NCOA6: variants seen among roughly 807,000 people sequenced by gnomAD.
NCOA6 encodes NRC RAP250.
NCOA6 carries 49 observed loss-of-function variants against 171.4 expected under a neutral mutation model. The ratio of observed to expected loss-of-function variants is 0.29; its 90% confidence interval spans 0.23 to 0.36. The LOEUF is 0.36. Ranked by LOEUF, NCOA6 falls within the 10% of genes least tolerant of loss-of-function variation. The pLI is 1.00. For missense variants in NCOA6, 2,248 were observed against 2,554.5 expected (o/e 0.88, Z 2.59); for synonymous variants, 910 against 927.5 (o/e 0.98, Z 0.34).
At chr20:34,758,215 A>G in intron 6 of NCOA6, 111 bp from the exon 7 acceptor site, 1 of 1,360,724 alleles carries the variant, frequency 7.3e-7, no homozygotes, top group South Asian at 1.5e-5. Context: ...GTACTATTCG[A>G]TAAAATAAAT....
At chr20:34,768,439 C>T (rs112945428) in intron 5 of NCOA6, 25 bp downstream of exon 5, 2 of 1,611,744 alleles carry the variant, frequency 1.2e-6, no homozygotes, top group African/African-American at 1.3e-5. Flanking sequence ...AGTAAAATGT[C>T]ATACAATTGA....
At chr20:34,777,432 T>C (rs1034124229) in intron 3 of NCOA6, among the ~76,000 whole-genome samples, 1 of 151,890 alleles carries the variant, frequency 6.6e-6, no homozygotes, top group African/African-American at 2.4e-5. Context: ...CTGGCCAACA[T>C]GGCAAAACCC....
At position 34,754,788 on chromosome 20, in the gene NCOA6, T is replaced by G. The variant is rs1330816371; in HGVS notation, c.1609A>C (p.Thr537Pro). The G allele has an allele frequency of 6.2e-7, 1 of 1,614,068 alleles. No individual in the cohort carries two copies. The highest frequency in any genetic ancestry group is 2.2e-5 in the East Asian group (1 of 44,898). ...NFMQGQVPST[T>P]ATTPGNSGAP... Reference sequence around the variant, plus strand: ...CCTGAATTCCCAGGGGTGGTTGCTGTGGTCGAAGGCACCTGACCTTGCATA... The same window carrying G: ...CCTGAATTCCCAGGGGTGGTTGCTGGGGTCGAAGGCACCTGACCTTGCATA... The change falls in exon 8 of 15, where the codon ACA becomes CCA. Residue 537 changes from threonine to proline, a missense_variant. By Grantham distance (38) the Thr-to-Pro change is conservative. Transcript: ENST00000359003.
At chr20:34,791,830 G>A (rs2077896777) in intron 2 of NCOA6, among the ~76,000 whole-genome samples, 1 of 152,144 alleles carries the variant, frequency 6.6e-6, no homozygotes, top group Non-Finnish European at 1.5e-5. Context: ...GAAGGAGAGA[G>A]GGCAGGGAGA....
intron 3 of NCOA6, among the ~76,000 whole-genome samples, 176 bp downstream of exon 3, chr20:34,781,945 T>A (rs748667025): frequency 6.6e-6 from 1 of 152,194 alleles, no homozygotes; most frequent in African/African-American, 2.4e-5. Flanking sequence ...TTCTTCTATG[T>A]ACTTAAAAAG....
intron 1 of NCOA6, among the ~76,000 whole-genome samples, chr20:34,800,129 CTT>C (rs1451533422): frequency 6.6e-6 from 1 of 152,014 alleles, no homozygotes; most frequent in Non-Finnish European, 1.5e-5. Context: ...TTAGTTTTCT[CTT>C]TGTTTATGCA....
chr20:34,815,637 T>A lies in NCOA6; in HGVS notation c.-164+9835A>T, dbSNP rs539002898. Reference sequence around the variant, plus strand: ...TGAAGTGTGACATGACTATTAACACTGAAATATCCATGGGGAGGCTTTTGA... The same window carrying A: ...TGAAGTGTGACATGACTATTAACACAGAAATATCCATGGGGAGGCTTTTGA... On this transcript the variant is annotated intron_variant, in intron 1 of 14. Coordinates refer to ENST00000359003, the MANE Select transcript of NCOA6 (RefSeq NM_014071.5). 6.6e-5 allele frequency among the ~76,000 whole-genome samples: 10 copies of A among 152,248 alleles called. No individual in the cohort carries two copies. In the South Asian group the frequency reaches 2.1e-3, roughly 32 times the overall value.
At chr20:34,760,015 T>C (rs2076768302) in intron 5 of NCOA6, among the ~76,000 whole-genome samples, 1 of 152,168 alleles carries the variant, frequency 6.6e-6, no homozygotes, top group Non-Finnish European at 1.5e-5. Flanking sequence ...TGGTAGCTCA[T>C]GCCTGTAATC....
chr20:34,771,994 C>T (rs191899387), intron 4 of NCOA6, among the ~76,000 whole-genome samples: 110 of 152,266 alleles, frequency 7.2e-4, no homozygotes, highest in Middle Eastern at 6.8e-3. Context: ...TCTGTTGTTC[C>T]AGCATAATTA....
At chr20:34,817,875 C>T (rs1286072548) in intron 1 of NCOA6, among the ~76,000 whole-genome samples, 1 of 152,150 alleles carries the variant, frequency 6.6e-6, no homozygotes, top group Non-Finnish European at 1.5e-5. Context: ...CAGCTTTCAT[C>T]ACATCACTGG....
intron 4 of NCOA6, 141 bp from the exon 5 acceptor site, chr20:34,768,727 A>G: frequency 1.1e-6 from 1 of 892,912 alleles, no homozygotes; most frequent in South Asian, 1.7e-5. Context: ...GGTGGGTTCA[A>G]TGTAGATGGG....
intron 1 of NCOA6, among the ~76,000 whole-genome samples, chr20:34,803,477 G>GA (rs140810484): frequency 0.012 from 1,525 of 127,486 alleles, 14 homozygotes; most frequent in Middle Eastern, 0.035. Flanking sequence ...AAAAAAAAAA[G>GA]AAAAAAAAAA....
At chr20:34,823,970 C>T (rs1228890100) in intron 1 of NCOA6, among the ~76,000 whole-genome samples, 1 of 152,184 alleles carries the variant, frequency 6.6e-6, no homozygotes, top group Non-Finnish European at 1.5e-5. Flanking sequence ...AGGCGTGAGC[C>T]ACTGTGGCTG....
At chr20:34,813,556 G>C (rs1351563981) in intron 1 of NCOA6, among the ~76,000 whole-genome samples, 1 of 152,012 alleles carries the variant, frequency 6.6e-6, no homozygotes, top group Admixed American at 6.6e-5. Context: ...GTTTTGTTAG[G>C]TGTTAATAAT....
At chr20:34,789,839 T>C (rs538289498) in intron 2 of NCOA6, among the ~76,000 whole-genome samples, 2 of 152,180 alleles carry the variant, frequency 1.3e-5, no homozygotes, top group Non-Finnish European at 2.9e-5. Flanking sequence ...CAAAGTGTTA[T>C]AGTCACACAC....
chr20:34,744,083 A>G (rs1432494798), intron 10 of NCOA6, among the ~76,000 whole-genome samples: 1 of 152,240 alleles, frequency 6.6e-6, no homozygotes, highest in Admixed American at 6.5e-5. Context: ...AAATAAAATT[A>G]GGGCATTGAA....
intron 4 of NCOA6, among the ~76,000 whole-genome samples, chr20:34,774,721 G>A (rs1346144866): frequency 6.6e-6 from 1 of 152,162 alleles, no homozygotes; most frequent in Non-Finnish European, 1.5e-5. Flanking sequence ...AGTTCACTGA[G>A]CTTCCAAAGA....
chr20:34,812,754 G>T (rs147870049), intron 1 of NCOA6, among the ~76,000 whole-genome samples: 2,153 of 152,258 alleles, frequency 0.014, 59 homozygotes, highest in African/African-American at 0.049. Flanking sequence ...GGTAGCTCAC[G>T]CCTGTAATCC....
At chr20:34,721,580 A>G (rs940912175) in intron 14 of NCOA6, among the ~76,000 whole-genome samples, 3 of 152,146 alleles carry the variant, frequency 2.0e-5, no homozygotes, top group Admixed American at 6.5e-5. Context: ...GATCTCTCGC[A>G]TGCACAGTTT....
Sources: allele counts gnomAD v4.1 joint callset (sites outside exome capture counted in the v4.1 genomes callset), GRCh38; gene constraint gnomAD v4.1.1; transcripts MANE v1.5; gene names NCBI Gene and HGNC (gene_info 2026-07-23, HGNC 2026-07-21).